ADGRV1: variants seen among roughly 807,000 people sequenced by gnomAD.
The protein encoded by ADGRV1 is adhesion G protein-coupled receptor V1.
In ADGRV1, 359 loss-of-function variants were observed where a neutral mutation model predicts 596.2. The observed-to-expected ratio is 0.60, with a 90% CI of 0.55 to 0.66. The LOEUF (loss-of-function observed/expected upper bound fraction) is 0.66. Ranked by LOEUF, ADGRV1 falls within the 30% of genes least tolerant of loss-of-function variation. ADGRV1 has a pLI of 0.00. For missense variants in ADGRV1, 7,274 were observed against 7,575.6 expected (o/e 0.96, Z 1.48); for synonymous variants, 2,681 against 2,679.2 (o/e 1.00, Z -0.02).
chr5:91,076,979 T>C (rs1788915991), intron 86 of ADGRV1, among the ~76,000 whole-genome samples: 1 of 152,156 alleles, frequency 6.6e-6, no homozygotes, highest in East Asian at 1.9e-4. Context: ...TCATTTACAT[T>C]AGGTATTTCT....
intron 84 of ADGRV1, among the ~76,000 whole-genome samples, chr5:90,976,457 A>C (rs575512699): frequency 7.9e-5 from 12 of 151,336 alleles, no homozygotes; most frequent in Non-Finnish European, 1.6e-4. Context: ...CCAGTTGATG[A>C]AATTACATTA....
intron 84 of ADGRV1, among the ~76,000 whole-genome samples, chr5:90,970,892 T>A (rs1453461998): frequency 6.6e-6 from 1 of 151,894 alleles, no homozygotes; most frequent in Non-Finnish European, 1.5e-5. Flanking sequence ...AGGCATGAGA[T>A]GATCAAACTT....
chr5:90,992,192 T>G (rs996873861), intron 85 of ADGRV1, among the ~76,000 whole-genome samples: 6 of 152,242 alleles, frequency 3.9e-5, no homozygotes, highest in Non-Finnish European at 8.8e-5. Flanking sequence ...TAATAAAGTT[T>G]CCCACACATC....
intron 15 of ADGRV1, among the ~76,000 whole-genome samples, chr5:90,645,590 A>G (rs1162910969): frequency 6.6e-6 from 1 of 152,206 alleles, no homozygotes; most frequent in Non-Finnish European, 1.5e-5. Context: ...TAGTTACTCT[A>G]AACTCTGCTC....
intron 89 of ADGRV1, among the ~76,000 whole-genome samples, chr5:91,159,861 G>A (rs1001714736): frequency 1.3e-5 from 2 of 152,198 alleles, no homozygotes; most frequent in African/African-American, 2.4e-5. Flanking sequence ...AGGGTAGGAT[G>A]GAAAGGAATG....
At chr5:90,737,260 G>C (rs1402932667) in intron 50 of ADGRV1, among the ~76,000 whole-genome samples, 1 of 151,756 alleles carries the variant, frequency 6.6e-6, no homozygotes, top group Non-Finnish European at 1.5e-5. Flanking sequence ...TTCTGTTATT[G>C]ATTTCTAGCT....
At chr5:90,622,016 G>T (rs1764147324) in intron 4 of ADGRV1, among the ~76,000 whole-genome samples, 1 of 152,134 alleles carries the variant, frequency 6.6e-6, no homozygotes, top group African/African-American at 2.4e-5. Context: ...AGCTGCTTCT[G>T]TAGCCTGTAT....
intron 85 of ADGRV1, among the ~76,000 whole-genome samples, chr5:90,987,469 C>CA (rs11442398): frequency 0.43 from 40,220 of 94,628 alleles, 7,312 homozygotes; most frequent in Middle Eastern, 0.44. Context: ...GACTCTGACT[C>CA]AAAAAAAAAA....
At chr5:91,067,215 G>A (rs1178186828) in intron 85 of ADGRV1, among the ~76,000 whole-genome samples, 5 of 103,330 alleles carry the variant, frequency 4.8e-5, no homozygotes, top group Non-Finnish European at 6.9e-5. Context: ...CGTGATCTCA[G>A]CTCACCACAA....
intron 55 of ADGRV1, 38 bp downstream of exon 55, chr5:90,755,223 G>C: frequency 7.2e-7 from 1 of 1,379,950 alleles, no homozygotes; most frequent in South Asian, 1.4e-5. Context: ...CTAAAATAGA[G>C]GAAAATTCTC....
intron 77 of ADGRV1, among the ~76,000 whole-genome samples, chr5:90,831,867 T>C (rs1764558122): frequency 6.6e-6 from 1 of 152,214 alleles, no homozygotes; most frequent in Non-Finnish European, 1.5e-5. Flanking sequence ...CTTAACATAA[T>C]AACCTCCAGT....
chr5:90,928,842 C>T lies in ADGRV1; in HGVS notation c.17857-36573C>T, dbSNP rs1199504963. ...ATGTCCTTTCTGTTTGTTAGTTTTCCTTCTAACAGACAGGACCCTCAGCTG... is the reference window on the plus strand; with the variant it reads ...ATGTCCTTTCTGTTTGTTAGTTTTCTTTCTAACAGACAGGACCCTCAGCTG... On this transcript the variant is annotated intron_variant, in intron 83 of 89. Transcript: ENST00000405460. Among the ~76,000 whole-genome samples, 16 of 150,156 alleles carry T rather than the reference C, an allele frequency of 1.1e-4. No homozygotes were observed. The East Asian group carries it at 2.7e-3, about 26-fold the overall frequency.
At chr5:90,610,688 A>G (rs925728857) in intron 1 of ADGRV1, among the ~76,000 whole-genome samples, 3 of 152,012 alleles carry the variant, frequency 2.0e-5, no homozygotes, top group African/African-American at 4.8e-5. Context: ...GTTTATCCTA[A>G]TATGAGTTTG....
In ADGRV1 at chr5:90,647,682, G is replaced by T. The variant is rs752187075; in HGVS notation, c.3207G>T (p.Gln1069His). The part of the protein sequence containing the change: ...ETLIFEVGSR[Q>H]QSISIFVNED... ...TCATTTTTGAGGTTGGAAGTAGACAGCAGAGCATATCCATATTTGTTAATG... is the reference window on the plus strand; with the variant it reads ...TCATTTTTGAGGTTGGAAGTAGACATCAGAGCATATCCATATTTGTTAATG... The change falls in exon 17 of 90, where the codon CAG becomes CAT. Residue 1069 changes from glutamine (Q) to histidine (H), a missense_variant. Coordinates refer to ENST00000405460, the MANE Select transcript of ADGRV1 (RefSeq NM_032119.4). 9.9e-6 allele frequency: 16 copies of T among 1,613,730 alleles called. No homozygotes were observed. The highest frequency in any genetic ancestry group is 2.2e-5 in the East Asian group (1 of 44,890).
At chr5:91,031,466 T>G (rs1392726653) in intron 85 of ADGRV1, among the ~76,000 whole-genome samples, 1 of 152,194 alleles carries the variant, frequency 6.6e-6, no homozygotes, top group Non-Finnish European at 1.5e-5. Flanking sequence ...ATCTGGTGGC[T>G]TTGGCATTTC....
chr5:90,896,266 G>GTT (rs1771300544), intron 83 of ADGRV1, among the ~76,000 whole-genome samples: 2 of 76,396 alleles, frequency 2.6e-5, no homozygotes, highest in African/African-American at 3.8e-5. Context: ...GGTGACCAGT[G>GTT]GTTTTTTTTT....
chr5:90,685,082 AT>A (rs1164480238), intron 28 of ADGRV1, among the ~76,000 whole-genome samples: 2 of 152,060 alleles, frequency 1.3e-5, no homozygotes, highest in Non-Finnish European at 1.5e-5. Flanking sequence ...TACTCTAATG[AT>A]TTTTTCCTTT....
At chr5:90,915,235 T>C (rs1773243103) in intron 83 of ADGRV1, among the ~76,000 whole-genome samples, 1 of 152,204 alleles carries the variant, frequency 6.6e-6, no homozygotes, top group Non-Finnish European at 1.5e-5. Flanking sequence ...GATAATATAT[T>C]CTTAATTATC....
intron 83 of ADGRV1, among the ~76,000 whole-genome samples, chr5:90,930,499 G>A (rs1048624929): frequency 6.6e-6 from 1 of 152,032 alleles, no homozygotes; most frequent in South Asian, 2.1e-4. Context: ...TTATAACTTG[G>A]TATTCAATGT....
Sources: gnomAD v4.1 joint callset for allele counts (sites outside exome capture counted in the v4.1 genomes callset) on GRCh38, gnomAD v4.1.1 for gene constraint, MANE v1.5 for transcripts, NCBI Gene and HGNC (gene_info 2026-07-23, HGNC 2026-07-21) for gene names.